CALD1: variants seen among roughly 807,000 people sequenced by gnomAD.
The protein encoded by CALD1 is caldesmon.
A neutral mutation model predicts 99.9 loss-of-function variants in CALD1; 33 were observed. The observed-to-expected ratio is 0.33, with a 90% CI of 0.25 to 0.44. The LOEUF (loss-of-function observed/expected upper bound fraction) is 0.44, where lower values mean the gene tolerates loss of function less well. Among genes scored for constraint, CALD1 ranks in the 20% least tolerant of loss-of-function variants. The probability of loss-of-function intolerance (pLI) is 1.00; values close to 1 mark genes in which losing one functional copy is unlikely to be tolerated. For synonymous variants in CALD1, 310 were observed against 325.0 expected (o/e 0.95, Z 0.50); for missense variants, 861 against 962.1 (o/e 0.89, Z 1.39).
chr7:134,835,756 TGA>T (rs955489941), intron 1 of CALD1, among the ~76,000 whole-genome samples: 3 of 152,120 alleles, frequency 2.0e-5, no homozygotes, highest in African/African-American at 4.8e-5. Flanking sequence ...TGTCAAAAAT[TGA>T]GAGTCTAATA....
chr7:134,853,340 T>C (rs563985663), intron 2 of CALD1, among the ~76,000 whole-genome samples: 1 of 152,326 alleles, frequency 6.6e-6, no homozygotes, highest in South Asian at 2.1e-4. Flanking sequence ...ATGTACTCGA[T>C]GTCAATTTAA....
At chr7:134,732,316 G>A in the CALD1 span, among the ~76,000 whole-genome samples, 1 of 152,164 alleles carries the variant, frequency 6.6e-6, no homozygotes. Flanking sequence ...AATGTATTTA[G>A]GGACCTGCTA....
intron 9 of CALD1, among the ~76,000 whole-genome samples, chr7:134,952,738 G>A (rs1326954992): frequency 6.6e-6 from 1 of 151,934 alleles, no homozygotes; most frequent in Non-Finnish European, 1.5e-5. Context: ...CAAAGTGCTG[G>A]GATTACACGC....
chr7:134,941,114 A>G lies in CALD1; in HGVS notation c.1409A>G (p.Lys470Arg), dbSNP rs761450071. 1 of 1,609,186 alleles carries G rather than the reference A, an allele frequency of 6.2e-7. No homozygotes were observed. The highest frequency in any genetic ancestry group is 8.5e-7 in the Non-Finnish European group (1 of 1,178,446). Reference sequence around the variant, plus strand: ...TAGATCAAAGATGAAAAGATTAAAAAGGACAAAGAACCCAAAGAAGAAGTT... The same window carrying G: ...TAGATCAAAGATGAAAAGATTAAAAGGGACAAAGAACCCAAAGAAGAAGTT... ...KEEIKDEKIK[K>R]DKEPKEEVKS... is the part of the protein sequence containing the mutation. Residue 470 changes from lysine to arginine, a missense_variant, in exon 7 of 15, where the codon AAG becomes AGG. Physicochemically the swap from Lys to Arg is conservative, Grantham distance 26. This residue lies in a region of CALD1 where 293 missense variants were observed against 262.7 expected (regional missense o/e 1.12). Transcript: ENST00000361675.
intron 13 of CALD1, among the ~76,000 whole-genome samples, chr7:134,964,382 T>C (rs1388101916): frequency 6.6e-6 from 1 of 152,132 alleles, no homozygotes; most frequent in Non-Finnish European, 1.5e-5. Context: ...CTGTTAAACT[T>C]TCATCCCATG....
At chr7:134,712,467 C>T in the CALD1 span, among the ~76,000 whole-genome samples, 1 of 152,188 alleles carries the variant, frequency 6.6e-6, no homozygotes, top group Non-Finnish European at 1.5e-5. Context: ...TGGATACACG[C>T]ATTGCATGCC....
chr7:134,714,447 G>A, the CALD1 span, among the ~76,000 whole-genome samples: 1 of 152,064 alleles, frequency 6.6e-6, no homozygotes, highest in East Asian at 1.9e-4. Context: ...CTTCTCCATC[G>A]AGAAGACCTA....
At position 134,941,157 on chromosome 7, in the gene CALD1, A is replaced by G. The variant is rs892134413; in HGVS notation, c.1452A>G (p.Arg484=). 1 of 1,613,136 alleles carries G rather than the reference A, an allele frequency of 6.2e-7. No homozygotes were observed. Among genetic ancestry groups the G allele is most frequent in the Admixed American group, 1.7e-5 (1 of 59,926 alleles). ...AAGAAGTTAAGAGCTTCATGGATCG[A>G]AAGAAGGGATTTACAGAAGTTAAGT... The part of the protein sequence containing the change: ...PKEEVKSFMD[R]KKGFTEVKSQ... The change falls in exon 7 of 15, where the codon CGA becomes CGG. Residue 484 remains arginine, a synonymous_variant. Coordinates refer to ENST00000361675, the MANE Select transcript of CALD1 (RefSeq NM_033138.4).
chr7:134,950,848 A>G lies in CALD1; in HGVS notation c.1935+334A>G, dbSNP rs573872762. On this transcript the variant is annotated intron_variant, in intron 9 of 14. Transcript: ENST00000361675. ...GCACACACCTGTAATAATCTCAGCT[A>G]CTTGGGAGGCTTAGGCAGGAGAATC... Among the ~76,000 whole-genome samples, 35 of 152,270 alleles carry G rather than the reference A, an allele frequency of 2.3e-4. No individual in the cohort carries two copies. The Middle Eastern group carries it at 0.014, about 60-fold the overall frequency.
intron 3 of CALD1, among the ~76,000 whole-genome samples, chr7:134,903,341 GTAC>G (rs1174411608): frequency 2.6e-5 from 4 of 152,104 alleles, no homozygotes; most frequent in Non-Finnish European, 1.5e-5. Flanking sequence ...TGTAACAAAT[GTAC>G]TACACTTGTG....
intron 1 of CALD1, among the ~76,000 whole-genome samples, chr7:134,799,393 A>G (rs1797862156): frequency 6.6e-6 from 1 of 152,238 alleles, no homozygotes; most frequent in Non-Finnish European, 1.5e-5. Context: ...ATAGGAAGAC[A>G]TCAAAGTCAA....
intron 1 of CALD1, among the ~76,000 whole-genome samples, chr7:134,821,636 G>C (rs1302845340): frequency 1.3e-5 from 1 of 79,084 alleles, no homozygotes; most frequent in South Asian, 3.2e-4. Flanking sequence ...AGGCTGGAGT[G>C]CAATGGCACA....
chr7:134,835,376 G>A (rs1011904101), intron 1 of CALD1, among the ~76,000 whole-genome samples: 3 of 152,152 alleles, frequency 2.0e-5, no homozygotes, highest in South Asian at 2.1e-4. Flanking sequence ...TGGTTGGAAC[G>A]TGGGAAAGAG....
chr7:134,730,796 TTA>T, the CALD1 span, among the ~76,000 whole-genome samples: 1 of 152,146 alleles, frequency 6.6e-6, no homozygotes, highest in Non-Finnish European at 1.5e-5. Flanking sequence ...TCCTAAGATT[TTA>T]TATGTCAGAC....
rs1388069436 is a variant in CALD1, at chr7:134,947,544, G to T, written c.1569G>T (p.Glu523Asp). Reference sequence around the variant, plus strand: ...GGAGGGCCAGCGTGGACACCAAGGAGGCTGAGGGCGCCCCCCAGGTGGAAG... The same window carrying T: ...GGAGGGCCAGCGTGGACACCAAGGATGCTGAGGGCGCCCCCCAGGTGGAAG... ...PGGRASVDTK[E>D]AEGAPQVEAG... The change falls in exon 8 of 15, where the codon GAG (glutamate) becomes GAT (aspartate). Residue 523 changes from glutamate to aspartate, a missense_variant. By Grantham distance (45) the Glu-to-Asp change is conservative. Transcript: ENST00000361675. The T allele has an allele frequency of 6.4e-7, 1 of 1,564,860 alleles. No individual in the cohort carries two copies. The highest frequency in any genetic ancestry group is 2.4e-5 in the East Asian group (1 of 41,852).
chr7:134,826,117 G>C (rs1461673560), intron 1 of CALD1, among the ~76,000 whole-genome samples: 1 of 151,994 alleles, frequency 6.6e-6, no homozygotes, highest in Non-Finnish European at 1.5e-5. Flanking sequence ...AAATTAAAGA[G>C]GGGTGAACAA....
At chr7:134,873,204 CAAAAA>C in intron 3 of CALD1, among the ~76,000 whole-genome samples, 1 of 146,952 alleles carries the variant, frequency 6.8e-6, no homozygotes, top group Non-Finnish European at 1.5e-5. Flanking sequence ...ACAAACAAAA[CAAAAA>C]AAACCCAAAA....
chr7:134,765,872 A>T (rs1796821320), intron 1 of CALD1, among the ~76,000 whole-genome samples: 1 of 152,164 alleles, frequency 6.6e-6, no homozygotes, highest in Non-Finnish European at 1.5e-5. Flanking sequence ...TGAATGATTT[A>T]GCACCATCTT....
intron 1 of CALD1, among the ~76,000 whole-genome samples, chr7:134,795,010 G>A (rs553783755): frequency 3.3e-5 from 5 of 152,282 alleles, no homozygotes; most frequent in East Asian, 1.9e-4. Context: ...CTTGTAAGTC[G>A]CTGGAAGCCA....
Sources: gnomAD v4.1 joint callset for allele counts (sites outside exome capture counted in the v4.1 genomes callset) on GRCh38, gnomAD v4.1.1 for gene constraint, gnomAD v4.1.1 regional missense constraint, MANE v1.5 for transcripts, NCBI Gene and HGNC (gene_info 2026-07-23, HGNC 2026-07-21) for gene names.